The following RPS19 variants were observed in gnomAD, a reference collection of about 807,000 sequenced individuals.
RPS19 encodes ribosomal protein S19, also known as small ribosomal subunit protein eS19.
RPS19 carries 1 observed loss-of-function variant against 20.3 expected under a neutral mutation model. That is an observed-to-expected ratio of 0.05 (90% CI 0.02 to 0.23). The LOEUF is 0.23. Among genes scored for constraint, RPS19 ranks in the 10% least tolerant of loss-of-function variants. RPS19 has a pLI of 1.00. For missense variants in RPS19, 111 were observed against 192.7 expected (o/e 0.58, Z 2.51); for synonymous variants, 87 against 74.8 (o/e 1.16, Z -0.84).
intron 5 of RPS19, among the ~76,000 whole-genome samples, chr19:41,870,756 G>A (rs534166155): frequency 2.8e-4 from 43 of 151,914 alleles, no homozygotes; most frequent in African/African-American, 1.0e-3. Context: ...CAGGCAGAGT[G>A]GGGCTTGGCG....
At chr19:41,868,681 T>A (rs1167905564) in intron 3 of RPS19, among the ~76,000 whole-genome samples, 1 of 152,078 alleles carries the variant, frequency 6.6e-6, no homozygotes, top group African/African-American at 2.4e-5. Context: ...AGAGTGGCAA[T>A]AGGTCCCTTC....
intron 3 of RPS19, among the ~76,000 whole-genome samples, chr19:41,866,184 C>T (rs1197379235): frequency 2.0e-5 from 3 of 151,864 alleles, no homozygotes; most frequent in Non-Finnish European, 2.9e-5. Context: ...ACCTGGGAGG[C>T]GGAGCTAGCA....
At chr19:41,860,753 C>G (rs782211735) in intron 1 of RPS19, 22 bp from the exon 2 acceptor site, 7 of 1,596,998 alleles carry the variant, frequency 4.4e-6, no homozygotes, top group Non-Finnish European at 6.0e-6. Context: ...CCTGTGTTCA[C>G]ATGCTTGACT....
intron 3 of RPS19, among the ~76,000 whole-genome samples, chr19:41,862,834 A>G (rs1191346790): frequency 6.6e-6 from 1 of 152,016 alleles, no homozygotes; most frequent in African/African-American, 2.4e-5. Flanking sequence ...GAGTACCCCA[A>G]AGGCCTCTTT....
chr19:41,866,115 T>G (rs1192802356), intron 3 of RPS19, among the ~76,000 whole-genome samples: 2 of 151,594 alleles, frequency 1.3e-5, no homozygotes, highest in African/African-American at 4.9e-5. Context: ...TAGCCAGGTG[T>G]GGTGGCGTGT....
chr19:41,865,091 T>C (rs2074071069), intron 3 of RPS19, among the ~76,000 whole-genome samples: 1 of 152,026 alleles, frequency 6.6e-6, no homozygotes, highest in South Asian at 2.1e-4. Context: ...TTAAGAAAAA[T>C]TTAAGCCTCC....
intron 3 of RPS19, among the ~76,000 whole-genome samples, chr19:41,865,363 C>CA (rs11445219): frequency 0.039 from 5,140 of 130,634 alleles, 306 homozygotes; most frequent in African/African-American, 0.14. Flanking sequence ...GAGACTGTCT[C>CA]AAAAAAAAAA....
intron 1 of RPS19, 152 bp downstream of exon 1, chr19:41,860,441 G>A (rs1555838928): frequency 2.9e-6 from 1 of 345,202 alleles, no homozygotes; most frequent in South Asian, 2.7e-5. Flanking sequence ...GCCCGGACAT[G>A]CCCGGTCAGC....
chr19:41,865,196 G>A lies in RPS19; in HGVS notation c.173-3835G>A, dbSNP rs965699677. ...ATCCTGACCAATGTGGTGAAACCCC[G>A]TCTCTACTAAAAATAAAAATTAGCC... On this transcript the variant is annotated intron_variant, in intron 3 of 5. Transcript: ENST00000598742. Among the ~76,000 whole-genome samples, 3 of 151,932 alleles carry A rather than the reference G, an allele frequency of 2.0e-5. No homozygotes were observed. In the South Asian group the frequency reaches 6.2e-4, roughly 31 times the overall value.
In RPS19 at chr19:41,871,748, C is replaced by T. The variant is rs782102080; in HGVS notation, c.*371C>T. ...TGGGTTTGGAGGAAGGACCCAGGGG[C>T]CCTTGTGGCTCACTCCCCCACATCC... On this transcript the variant is annotated 3_prime_UTR_variant, in exon 6 of 6. Coordinates refer to ENST00000598742, the MANE Select transcript of RPS19 (RefSeq NM_001022.4). 3.5e-6 allele frequency: 1 copy of T among 286,082 alleles called. No individual in the cohort carries two copies. Among genetic ancestry groups the T allele is most frequent in the South Asian group, 3.8e-5 (1 of 26,588 alleles). 17.7% of individuals were successfully genotyped at this position (286,082 alleles called of 1,614,324 possible). A position where few individuals can be genotyped will look rare whatever the true frequency, so the allele number is the denominator to read the frequency against.
chr19:41,861,348 G>A lies in RPS19; in HGVS notation c.172+136G>A, dbSNP rs568483350. The A allele has an allele frequency of 1.0e-4, 70 of 701,140 alleles. No individual in the cohort carries two copies. In the African/African-American group the frequency reaches 1.0e-3, roughly 10 times the overall value. The allele number at this position is 701,140 out of a possible 1,614,324, so 43.4% of individuals were successfully genotyped here. On this transcript the variant is annotated intron_variant, in intron 3 of 5. Transcript: ENST00000598742. Reference sequence around the variant, plus strand: ...CCTTGGTTGTGTCACCACTTGCTTTGTGTGATGTGACATTCGATAACTTGG... The same window carrying A: ...CCTTGGTTGTGTCACCACTTGCTTTATGTGATGTGACATTCGATAACTTGG...
intron 3 of RPS19, among the ~76,000 whole-genome samples, chr19:41,867,180 G>A (rs2074099566): frequency 6.6e-6 from 1 of 151,614 alleles, no homozygotes; most frequent in Admixed American, 6.6e-5. Context: ...GCTTGCACCT[G>A]TAGTCCCAAC....
At chr19:41,861,387 T>C in intron 3 of RPS19, 175 bp downstream of exon 3, 1 of 635,600 alleles carries the variant, frequency 1.6e-6, no homozygotes, top group Non-Finnish European at 2.9e-6. Flanking sequence ...TCCAAGTTTT[T>C]ATGACATTCT....
At position 41,868,914 on chromosome 19, in the gene RPS19, G is replaced by A. The variant is rs2074115982; in HGVS notation, c.173-117G>A. 4 of 1,067,076 alleles carry A rather than the reference G, an allele frequency of 3.7e-6. No individual in the cohort carries two copies. The Admixed American group carries it at 5.8e-5, about 16-fold the overall frequency. 66.1% of individuals were successfully genotyped at this position (1,067,076 alleles called of 1,614,324 possible). A position where few individuals can be genotyped will look rare whatever the true frequency, so the allele number is the denominator to read the frequency against. On this transcript the variant is annotated intron_variant, in intron 3 of 5. Coordinates refer to ENST00000598742, the MANE Select transcript of RPS19 (RefSeq NM_001022.4). ...GGGCTGTCAGTTTCTGGGTGTTAGT[G>A]TGTGTTTTCAGTTTCCCTTCTTATA...
At chr19:41,862,605 C>T (rs1177294129) in intron 3 of RPS19, among the ~76,000 whole-genome samples, 4 of 151,820 alleles carry the variant, frequency 2.6e-5, no homozygotes, top group African/African-American at 7.3e-5. Flanking sequence ...TACCAAATAC[C>T]TCCAAAGTAG....
chr19:41,863,256 C>T (rs1469759761), intron 3 of RPS19, among the ~76,000 whole-genome samples: 1 of 152,198 alleles, frequency 6.6e-6, no homozygotes, highest in Non-Finnish European at 1.5e-5. Context: ...CCTCCCGCCT[C>T]AGCCTTCCAA....
At chr19:41,871,223 G>A (rs1406887021) in intron 5 of RPS19, 128 bp from the exon 6 acceptor site, 6 of 815,964 alleles carry the variant, frequency 7.4e-6, no homozygotes, top group Non-Finnish European at 1.3e-5. Flanking sequence ...GTGAGAATTA[G>A]ATGAGATAGA....
intron 1 of RPS19, 57 bp downstream of exon 1, chr19:41,860,346 C>G (rs781794575): frequency 6.4e-5 from 10 of 155,966 alleles, no homozygotes; most frequent in African/African-American, 2.4e-4. Flanking sequence ...GACGCCGAAG[C>G]CTCAGAGCGC....
intron 3 of RPS19, among the ~76,000 whole-genome samples, chr19:41,868,532 G>C (rs2074112039): frequency 6.6e-6 from 1 of 152,194 alleles, no homozygotes; most frequent in Admixed American, 6.5e-5. Context: ...GCTGGCTGGG[G>C]TGGACCAGGG....
Sources: allele counts gnomAD v4.1 joint callset (sites outside exome capture counted in the v4.1 genomes callset), GRCh38; gene constraint gnomAD v4.1.1; transcripts MANE v1.5; gene names NCBI Gene and HGNC (gene_info 2026-07-23, HGNC 2026-07-21).